VAT1L: variants seen among roughly 807,000 people sequenced by gnomAD.
VAT1L encodes the protein vesicle amine transport 1 like.
Under a neutral mutation model 44.1 loss-of-function variants are expected in VAT1L, and 34 were observed. That is an observed-to-expected ratio of 0.77 (90% CI 0.59 to 1.03). The LOEUF (loss-of-function observed/expected upper bound fraction) is 1.03, where lower values mean the gene tolerates loss of function less well. VAT1L is among the 50% of genes least tolerant of loss of function. The pLI is 0.00. For synonymous variants in VAT1L, 253 were observed against 202.2 expected, an observed-to-expected ratio of 1.25 and a Z score of -2.13; for missense variants, 615 against 538.8, an observed-to-expected ratio of 1.14 and a Z score of -1.40.
At position 77,917,909 on chromosome 16, in the gene VAT1L, G is replaced by A. The variant is rs570521017; in HGVS notation, c.1077+33107G>A. Among the ~76,000 whole-genome samples, 19 of 152,310 alleles carry A rather than the reference G, an allele frequency of 1.2e-4. No individual in the cohort carries two copies. The South Asian group carries it at 1.7e-3, about 13-fold the overall frequency. Reference sequence around the variant, plus strand: ...CAGAGATGGAAATCAGTTGAAGCCAGACACTGAAGTTCTGTATATGCAAGA... The same window carrying A: ...CAGAGATGGAAATCAGTTGAAGCCAAACACTGAAGTTCTGTATATGCAAGA... On this transcript the variant is annotated intron_variant, in intron 7 of 8. Coordinates refer to ENST00000302536, the MANE Select transcript of VAT1L (RefSeq NM_020927.3).
chr16:77,909,591 C>T (rs548940928), intron 7 of VAT1L, among the ~76,000 whole-genome samples: 12 of 143,182 alleles, frequency 8.4e-5, no homozygotes, highest in Non-Finnish European at 1.2e-4. Context: ...GAGCTGAGAT[C>T]GCAACACCGC....
At chr16:77,794,166 G>C (rs2015886327) in intron 1 of VAT1L, among the ~76,000 whole-genome samples, 1 of 152,124 alleles carries the variant, frequency 6.6e-6, no homozygotes, top group Non-Finnish European at 1.5e-5. Flanking sequence ...AATCATGAGA[G>C]ATCAAGAGAC....
At position 77,923,202 on chromosome 16, in the gene VAT1L, G is replaced by A. The variant is rs116097738; in HGVS notation, c.1077+38400G>A. 2.6e-3 allele frequency among the ~76,000 whole-genome samples: 399 copies of A among 152,324 alleles called. 3 individuals are homozygous for A. Among genetic ancestry groups the A allele is most frequent in the African/African-American group, 9.2e-3 (382 of 41,576 alleles). ...GCAGTGGCTCACGCCTGTAATTGCA[G>A]CATATTGAGAGGCCAAGGTGGGTGG... On this transcript the variant is annotated intron_variant, in intron 7 of 8. Coordinates refer to ENST00000302536, the MANE Select transcript of VAT1L (RefSeq NM_020927.3).
intron 7 of VAT1L, among the ~76,000 whole-genome samples, chr16:77,885,806 T>C (rs553368200): frequency 1.3e-5 from 2 of 152,270 alleles, no homozygotes; most frequent in South Asian, 2.1e-4. Flanking sequence ...AACGATTACA[T>C]TGGCCCAAAT....
chr16:77,856,483 T>C (rs73577064), intron 3 of VAT1L, among the ~76,000 whole-genome samples: 3 of 152,306 alleles, frequency 2.0e-5, no homozygotes, highest in Non-Finnish European at 2.9e-5. Flanking sequence ...CAGTACTTAA[T>C]ATGTACCAGG....
intron 1 of VAT1L, among the ~76,000 whole-genome samples, chr16:77,799,232 T>A (rs1465571230): frequency 6.7e-6 from 1 of 149,948 alleles, no homozygotes; most frequent in Non-Finnish European, 1.5e-5. Flanking sequence ...TCCTTGTCTC[T>A]CCCTCTCTCT....
chr16:77,977,502 C>A (rs146676777), intron 8 of VAT1L, 95 bp from the exon 9 acceptor site: 5 of 1,252,958 alleles, frequency 4.0e-6, no homozygotes, highest in Non-Finnish European at 4.5e-6. Flanking sequence ...TAGTTCCTAG[C>A]CCCCAAGAAG....
intron 7 of VAT1L, among the ~76,000 whole-genome samples, chr16:77,896,712 A>G (rs899273337): frequency 1.3e-5 from 2 of 152,226 alleles, no homozygotes; most frequent in Admixed American, 6.5e-5. Flanking sequence ...AGACAACTTC[A>G]TCTACACCAG....
chr16:77,968,432 A>G (rs1393230019), intron 7 of VAT1L, among the ~76,000 whole-genome samples: 1 of 152,202 alleles, frequency 6.6e-6, no homozygotes, highest in African/African-American at 2.4e-5. Context: ...TGAAGAATAA[A>G]AAAAGAGCAT....
intron 7 of VAT1L, among the ~76,000 whole-genome samples, chr16:77,968,575 A>G (rs920199933): frequency 3.4e-4 from 52 of 152,068 alleles, no homozygotes; most frequent in African/African-American, 1.2e-3. Flanking sequence ...AATACAAAAA[A>G]TTAGCCGGGC....
At chr16:77,904,320 C>T (rs1159540844) in intron 7 of VAT1L, among the ~76,000 whole-genome samples, 1 of 151,408 alleles carries the variant, frequency 6.6e-6, no homozygotes, top group Non-Finnish European at 1.5e-5. Flanking sequence ...TGCTTTATTT[C>T]CATCCTGTAT....
intron 2 of VAT1L, among the ~76,000 whole-genome samples, chr16:77,821,464 T>G (rs2016452431): frequency 6.6e-6 from 1 of 152,024 alleles, no homozygotes; most frequent in Non-Finnish European, 1.5e-5. Flanking sequence ...CTAATTTTTC[T>G]GTATTTTTAG....
chr16:77,855,134 G>A (rs942180505), intron 3 of VAT1L, among the ~76,000 whole-genome samples: 1 of 152,050 alleles, frequency 6.6e-6, no homozygotes, highest in African/African-American at 2.4e-5. Context: ...GAGGTCAGGA[G>A]TTTGAGATCA....
At chr16:77,931,761 T>C (rs972188549) in intron 7 of VAT1L, among the ~76,000 whole-genome samples, 2 of 152,126 alleles carry the variant, frequency 1.3e-5, no homozygotes, top group African/African-American at 2.4e-5. Flanking sequence ...GCTGGAAAAA[T>C]ATATATTGAT....
rs2018355913 is a variant in VAT1L at position 77,977,672 on chromosome 16, G to C, written c.1237G>C (p.Glu413Gln). Reference protein sequence around the residue: ...EDHEGDSENKERMPFIQ With the variant: ...EDHEGDSENKQRMPFIQ ...CCACGAGGGAGACAGCGAGAACAAG[G>C]AGCGGATGCCCTTTATCCAGTAACT... Residue 413 changes from glutamate to glutamine, a missense_variant, in exon 9 of 9, where the codon GAG becomes CAG. By Grantham distance (29) the Glu-to-Gln change is conservative. Coordinates refer to ENST00000302536, the MANE Select transcript of VAT1L (RefSeq NM_020927.3). 2 of 1,614,064 alleles carry C rather than the reference G, an allele frequency of 1.2e-6. No individual in the cohort carries two copies. Among genetic ancestry groups the C allele is most frequent in the Non-Finnish European group, 1.7e-6 (2 of 1,179,952 alleles).
chr16:77,859,593 T>C (rs1244530133), intron 3 of VAT1L, among the ~76,000 whole-genome samples: 5 of 152,352 alleles, frequency 3.3e-5, no homozygotes, highest in Middle Eastern at 3.4e-3. Context: ...AATGTCACTC[T>C]GACCACAGAA....
At chr16:77,803,079 C>T (rs901489160) in intron 1 of VAT1L, among the ~76,000 whole-genome samples, 1 of 152,314 alleles carries the variant, frequency 6.6e-6, no homozygotes, top group East Asian at 1.9e-4. Flanking sequence ...TTAATGTGCC[C>T]TGTGCTAAGC....
intron 3 of VAT1L, among the ~76,000 whole-genome samples, chr16:77,829,995 C>T (rs927696379): frequency 2.6e-5 from 4 of 152,102 alleles, no homozygotes; most frequent in East Asian, 3.9e-4. Context: ...GCATGTGCCC[C>T]GGCTTCCTGA....
intron 7 of VAT1L, among the ~76,000 whole-genome samples, chr16:77,896,549 T>C (rs1398224381): frequency 6.6e-6 from 1 of 152,208 alleles, no homozygotes; most frequent in African/African-American, 2.4e-5. Flanking sequence ...TGCAAATGCA[T>C]TTCCCCCAGA....
Sources: gnomAD v4.1 joint callset for allele counts (sites outside exome capture counted in the v4.1 genomes callset) on GRCh38, gnomAD v4.1.1 for gene constraint, MANE v1.5 for transcripts, NCBI Gene and HGNC (gene_info 2026-07-23, HGNC 2026-07-21) for gene names.